The following RYR2 variants were observed in gnomAD, a reference collection of about 807,000 sequenced individuals.
RYR2 encodes cardiac muscle ryanodine receptor-calcium release channel.
Under a neutral mutation model 601.1 loss-of-function variants are expected in RYR2, and 227 were observed. The ratio of observed to expected loss-of-function variants is 0.38; its 90% CI spans 0.34 to 0.42. The LOEUF (loss-of-function observed/expected upper bound fraction) is 0.42, where lower values mean the gene tolerates loss of function less well. RYR2 is among the 10% of genes least tolerant of loss of function. RYR2 has a pLI of 1.00. For synonymous variants in RYR2, 2,223 were observed against 2,175.1 expected, an observed-to-expected ratio of 1.02 and a Z score of -0.61; for missense variants, 4,646 against 6,156.5, an observed-to-expected ratio of 0.75 and a Z score of 8.21.
Position 237,651,517 on chromosome 1 carries a change from G to A in RYR2, c.7824+16G>A, listed in dbSNP as rs749424932. 2 of 1,452,784 alleles carry A rather than the reference G, an allele frequency of 1.4e-6. No homozygotes were observed. The highest frequency in any genetic ancestry group is 1.4e-5 in the African/African-American group (1 of 71,212). 90.0% of individuals were successfully genotyped at this position (1,452,784 alleles called of 1,614,324 possible). On this transcript the variant is annotated intron_variant, in intron 51 of 104. Coordinates refer to ENST00000366574, the MANE Select transcript of RYR2 (RefSeq NM_001035.3). Reference sequence around the variant, plus strand: ...GCCTCTTAAAGTAAGTATAGGAAATGTTTGTAGATATTTGATTACTGGCTT... The same window carrying A: ...GCCTCTTAAAGTAAGTATAGGAAATATTTGTAGATATTTGATTACTGGCTT...
rs554616256 is a variant in RYR2 at position 237,431,028 on chromosome 1, C to T, written c.1005+7780C>T. 2.0e-5 allele frequency among the ~76,000 whole-genome samples: 3 copies of T among 152,286 alleles called. No homozygotes were observed. The South Asian group carries it at 6.2e-4, about 32-fold the overall frequency. On this transcript the variant is annotated intron_variant, in intron 12 of 104. Coordinates refer to ENST00000366574, the MANE Select transcript of RYR2 (RefSeq NM_001035.3). Reference sequence around the variant, plus strand: ...CTTCTTTAACTGAGCAATTTAGTTTCTCTGAAGCTACTTTCCTGCCTGGTG... The same window carrying T: ...CTTCTTTAACTGAGCAATTTAGTTTTTCTGAAGCTACTTTCCTGCCTGGTG...
At chr1:237,640,302 C>T (rs1459733298) in intron 46 of RYR2, among the ~76,000 whole-genome samples, 3 of 152,154 alleles carry the variant, frequency 2.0e-5, no homozygotes, top group African/African-American at 7.2e-5. Context: ...CCAGATTTGG[C>T]TCTCATCAGC....
rs1285799352 is a variant in RYR2, at chr1:237,417,614, C to T, written c.848+491C>T. On this transcript the variant is annotated intron_variant, in intron 11 of 104. Coordinates refer to ENST00000366574, the MANE Select transcript of RYR2 (RefSeq NM_001035.3). ...AGTCACTATATTTACTTAAAAATCA[C>T]TTGATAGCTAAGTACAAATCTGCAT... Among the ~76,000 whole-genome samples, 3 of 152,240 alleles carry T rather than the reference C, an allele frequency of 2.0e-5. No homozygotes were observed. In the South Asian group the frequency reaches 6.2e-4, roughly 32 times the overall value.
At chr1:237,456,988 C>A (rs969615550) in intron 16 of RYR2, among the ~76,000 whole-genome samples, 7 of 152,028 alleles carry the variant, frequency 4.6e-5, no homozygotes, top group African/African-American at 1.7e-4. Context: ...TAACATGCCT[C>A]CTAATTGAGA....
intron 34 of RYR2, among the ~76,000 whole-genome samples, chr1:237,596,200 C>T (rs542000597): frequency 1.4e-4 from 22 of 152,232 alleles, no homozygotes; most frequent in Admixed American, 1.4e-3. Context: ...ACAGATCCCC[C>T]TCCCCAAAAT....
chr1:237,557,561 G>GTT (rs373782971), intron 27 of RYR2, among the ~76,000 whole-genome samples: 15 of 143,660 alleles, frequency 1.0e-4, no homozygotes, highest in African/African-American at 1.3e-4. Context: ...AGTTGAAACA[G>GTT]TTTTTTTTTT....
At chr1:237,271,155 T>C (rs950980570) in intron 2 of RYR2, among the ~76,000 whole-genome samples, 1 of 152,074 alleles carries the variant, frequency 6.6e-6, no homozygotes, top group East Asian at 1.9e-4. Context: ...ATCTCTTGCA[T>C]TGATCATAAA....
chr1:237,297,073 T>A (rs1227925262), intron 2 of RYR2, among the ~76,000 whole-genome samples: 1 of 152,104 alleles, frequency 6.6e-6, no homozygotes, highest in Non-Finnish European at 1.5e-5. Context: ...AACAAATGAA[T>A]GTATCTGGAA....
chr1:237,477,408 C>T (rs1390099153), intron 17 of RYR2, among the ~76,000 whole-genome samples: 1 of 151,692 alleles, frequency 6.6e-6, no homozygotes, highest in African/African-American at 2.4e-5. Context: ...GAAAAGAAAA[C>T]AACATCACAA....
At chr1:237,093,177 C>A (rs1327012192) in intron 1 of RYR2, among the ~76,000 whole-genome samples, 1 of 152,134 alleles carries the variant, frequency 6.6e-6, no homozygotes, top group Admixed American at 6.5e-5. Flanking sequence ...AGGCTTGCAG[C>A]CACCTTATTG....
chr1:237,278,590 A>C (rs772521131), intron 2 of RYR2, among the ~76,000 whole-genome samples: 3 of 152,202 alleles, frequency 2.0e-5, no homozygotes, highest in Non-Finnish European at 4.4e-5. Context: ...GTAGGAGATA[A>C]GTGAATATAA....
chr1:237,666,368 C>A, intron 56 of RYR2, 144 bp from the exon 57 acceptor site: 2 of 684,750 alleles, frequency 2.9e-6, no homozygotes, highest in Non-Finnish European at 5.1e-6. Flanking sequence ...GATGTGTTTA[C>A]AACATCATTT....
intron 29 of RYR2, among the ~76,000 whole-genome samples, chr1:237,587,474 T>A (rs1448689224): frequency 6.6e-6 from 1 of 152,166 alleles, no homozygotes. Context: ...TCCACTATTC[T>A]GAAGCTTTTA....
At chr1:237,127,958 A>G (rs1404270714) in intron 1 of RYR2, among the ~76,000 whole-genome samples, 1 of 151,696 alleles carries the variant, frequency 6.6e-6, no homozygotes, top group Non-Finnish European at 1.5e-5. Context: ...CCAGGCAGAG[A>G]TGCTCCTCAC....
Position 237,506,746 on chromosome 1 carries a change from A to G in RYR2, c.2650A>G (p.Lys884Glu), listed in dbSNP as rs767642846. 3 of 1,613,688 alleles carry G rather than the reference A, an allele frequency of 1.9e-6. No homozygotes were observed. Among genetic ancestry groups the G allele is most frequent in the South Asian group, 1.1e-5 (1 of 91,028 alleles). The change falls in exon 23 of 105, where the codon AAA becomes GAA. Residue 884 changes from lysine to glutamate, a missense_variant. Transcript: ENST00000366574. ...LPPHLERIREKLAENIHELWV... is the reference protein window; with the variant it reads ...LPPHLERIREELAENIHELWV... ...TCCTCATCTAGAAAGAATAAGAGAA[A>G]AACTGGCAGAGAATATCCATGAACT...
intron 10 of RYR2, among the ~76,000 whole-genome samples, chr1:237,398,081 T>C (rs922712188): frequency 2.6e-5 from 4 of 152,154 alleles, no homozygotes; most frequent in Non-Finnish European, 5.9e-5. Flanking sequence ...AGATCTATTT[T>C]AACATGAATG....
Position 237,334,440 on chromosome 1 carries a change from AATAT to A in RYR2, c.273+3475_273+3478del, listed in dbSNP as rs58982184. ...TTTTCTAAAATGTCTGTTTAATTAA[AATAT>A]ATATATATATATATATGTTAAAAGA... On this transcript the variant is annotated intron_variant, in intron 3 of 104. Transcript: ENST00000366574. Among the ~76,000 whole-genome samples, 406 of 146,060 alleles carry A rather than the reference AATAT, an allele frequency of 2.8e-3. 1 individual carries two copies. The highest frequency in any genetic ancestry group is 9.8e-3 in the African/African-American group (393 of 40,274).
intron 1 of RYR2, among the ~76,000 whole-genome samples, chr1:237,218,826 ACC>A (rs1321051555): frequency 1.3e-5 from 2 of 151,952 alleles, no homozygotes; most frequent in African/African-American, 4.8e-5. Context: ...AGTCAGAGAG[ACC>A]TTAGCCTGGA....
intron 24 of RYR2, among the ~76,000 whole-genome samples, chr1:237,522,836 C>T (rs1667222337): frequency 6.6e-6 from 1 of 152,166 alleles, no homozygotes; most frequent in African/African-American, 2.4e-5. Context: ...ACTGCTTAAT[C>T]TAGTAGTAAA....
Sources: allele counts gnomAD v4.1 joint callset (sites outside exome capture counted in the v4.1 genomes callset), GRCh38; gene constraint gnomAD v4.1.1; transcripts MANE v1.5; gene names NCBI Gene and HGNC (gene_info 2026-07-23, HGNC 2026-07-21).